C4orf51: variants seen among roughly 807,000 people sequenced by gnomAD.
The protein encoded by C4orf51 is chromosome 4 open reading frame 51.
Under a neutral mutation model 25.2 loss-of-function variants are expected in C4orf51, and 25 were observed. The ratio of observed to expected loss-of-function variants is 0.99; its 90% CI spans 0.72 to 1.39. C4orf51 has a LOEUF of 1.39. C4orf51 is among the 40% of genes most tolerant of loss of function. The pLI, the probability that C4orf51 is intolerant of heterozygous loss-of-function variation, is 0.00. For missense variants in C4orf51, 252 were observed against 239.6 expected, an observed-to-expected ratio of 1.05 and a Z score of -0.34; for synonymous variants, 100 against 84.5, an observed-to-expected ratio of 1.18 and a Z score of -1.01.
At chr4:145,752,068 G>A (rs1186964867) in intron 1 of C4orf51, among the ~76,000 whole-genome samples, 1 of 152,178 alleles carries the variant, frequency 6.6e-6, no homozygotes, top group East Asian at 1.9e-4. Flanking sequence ...TTGGCCCAGG[G>A]CAGGTCCAGA....
chr4:145,754,201 T>C (rs2126815480), intron 1 of C4orf51: 1 of 152,352 alleles, frequency 6.6e-6, no homozygotes, highest in Middle Eastern at 3.4e-3. Context: ...CTACCTTTTG[T>C]TGTAGCAACC....
At chr4:145,721,209 G>A (rs939370438) in intron 2 of C4orf51, among the ~76,000 whole-genome samples, 10 of 152,082 alleles carry the variant, frequency 6.6e-5, no homozygotes, top group African/African-American at 2.4e-4. Flanking sequence ...GCCAGGTGTG[G>A]TGGTGGGCGC....
chr4:145,740,871 A>G (rs942377875), intron 1 of C4orf51, among the ~76,000 whole-genome samples: 2 of 152,208 alleles, frequency 1.3e-5, no homozygotes, highest in Non-Finnish European at 1.5e-5. Flanking sequence ...TTAATAAAAA[A>G]CAGATTATTT....
At position 145,680,418 on chromosome 4, in the gene C4orf51, A is replaced by G. The variant is rs760164043; in HGVS notation, c.215A>G (p.His72Arg). 2 of 1,613,748 alleles carry G rather than the reference A, an allele frequency of 1.2e-6. No homozygotes were observed. The highest frequency in any genetic ancestry group is 2.2e-5 in the East Asian group (1 of 44,878). The part of the protein sequence containing the change: ...CSQFSFRAGQ[H>R]EPECKQMSLT... ...CAATTTTCTTTTAGAGCAGGACAGC[A>G]TGAGCCTGAGTGTAAACAGTAAGAT... The change falls in exon 1 of 6, where the codon CAT becomes CGT. Residue 72 changes from histidine (H) to arginine (R), a missense_variant. Transcript: ENST00000438731.
chr4:145,737,917 A>G (rs1223063913), intron 1 of C4orf51, among the ~76,000 whole-genome samples: 1 of 152,124 alleles, frequency 6.6e-6, no homozygotes, highest in African/African-American at 2.4e-5. Flanking sequence ...CTGAGTGTTC[A>G]TGTTCTAAAA....
In C4orf51 at chr4:145,696,543, T is replaced by C. The variant is rs1221794097; in HGVS notation, c.234-16T>C. ...CCATAAATTTGTAACTTGTTTCTTC[T>C]ACTTGCTTTCCTTAGGATGTCATTG... On this transcript the variant is annotated splice_polypyrimidine_tract_variant and intron_variant, in intron 1 of 5. Transcript: ENST00000438731. 1 of 1,605,710 alleles carries C rather than the reference T, an allele frequency of 6.2e-7. No homozygotes were observed. The highest frequency in any genetic ancestry group is 8.5e-7 in the Non-Finnish European group (1 of 1,172,742).
chr4:145,765,070 C>G lies in C4orf51; in HGVS notation n.167-5918C>G. On this transcript the variant is annotated intron_variant and non_coding_transcript_variant, in intron 1 of 1. Coordinates refer to the C4orf51 transcript ENST00000510096. The surrounding 1 kb of genome is among the most constrained non-coding windows in gnomAD (Gnocchi z 4.7). The stretch of plus-strand genomic sequence containing the variant: ...GTCTTCATGAACTTGTGGCACACAT[C>G]ACACTCAAACATCCGGGTGATGAGG... 1 of 1,614,236 alleles carries G rather than the reference C, an allele frequency of 6.2e-7. No homozygotes were observed. Among genetic ancestry groups the G allele is most frequent in the Non-Finnish European group, 8.5e-7 (1 of 1,180,046 alleles).
intron 2 of C4orf51, among the ~76,000 whole-genome samples, chr4:145,711,654 G>A (rs971141054): frequency 6.6e-6 from 1 of 151,776 alleles, no homozygotes; most frequent in African/African-American, 2.4e-5. Context: ...CAAATGATCT[G>A]CTTTGAGTAC....
intron 1 of C4orf51, among the ~76,000 whole-genome samples, chr4:145,685,598 A>T (rs1729104154): frequency 1.3e-5 from 2 of 152,204 alleles, no homozygotes; most frequent in African/African-American, 2.4e-5. Context: ...AAAACAGAAT[A>T]GGGATTTTCA....
At chr4:145,751,242 A>G (rs1367889268) in intron 1 of C4orf51, among the ~76,000 whole-genome samples, 1 of 152,004 alleles carries the variant, frequency 6.6e-6, no homozygotes, top group Non-Finnish European at 1.5e-5. Context: ...TTAGGTATTT[A>G]TTTTAGTCTT....
At chr4:145,690,030 C>A (rs1365899103) in intron 1 of C4orf51, among the ~76,000 whole-genome samples, 1 of 151,174 alleles carries the variant, frequency 6.6e-6, no homozygotes, top group Admixed American at 6.6e-5. Flanking sequence ...CATGGTGAAA[C>A]CCCATTTCTA....
chr4:145,759,242 A>T (rs1734200976), downstream of C4orf51: 2 of 152,212 alleles, frequency 1.3e-5, no homozygotes, highest in South Asian at 4.1e-4. Flanking sequence ...CTGTTGTTTT[A>T]AAAATACAAG....
intron 2 of C4orf51, among the ~76,000 whole-genome samples, chr4:145,713,397 C>T (rs527691031): frequency 3.9e-4 from 60 of 152,208 alleles, no homozygotes; most frequent in African/African-American, 1.3e-3. Context: ...TGAAAATTAA[C>T]GGGAGTTTGG....
At chr4:145,720,360 A>G (rs1731662855) in intron 2 of C4orf51, among the ~76,000 whole-genome samples, 2 of 152,066 alleles carry the variant, frequency 1.3e-5, no homozygotes, top group Admixed American at 1.3e-4. Context: ...GGCCAACAGG[A>G]AGACTCTCAC....
intron 1 of C4orf51, among the ~76,000 whole-genome samples, chr4:145,689,745 T>C (rs1729411215): frequency 1.3e-5 from 2 of 151,566 alleles, no homozygotes; most frequent in African/African-American, 4.9e-5. Context: ...TTTGAAAAAG[T>C]CAACAAAAAT....
intron 1 of C4orf51, among the ~76,000 whole-genome samples, chr4:145,751,728 G>A (rs945280209): frequency 6.6e-6 from 1 of 152,356 alleles, no homozygotes; most frequent in South Asian, 2.1e-4. Flanking sequence ...TTTCAGGTCA[G>A]TGAGTTCCCC....
At chr4:145,704,214 T>C (rs1332933115) in intron 2 of C4orf51, among the ~76,000 whole-genome samples, 1 of 152,172 alleles carries the variant, frequency 6.6e-6, no homozygotes, top group East Asian at 1.9e-4. Flanking sequence ...TTTTTAAAGG[T>C]GTCAGTTCAT....
intron 2 of C4orf51, among the ~76,000 whole-genome samples, chr4:145,722,482 T>C (rs1731792883): frequency 6.6e-6 from 1 of 152,234 alleles, no homozygotes; most frequent in African/African-American, 2.4e-5. Flanking sequence ...TTAACATTGC[T>C]AGAATAATTT....
chr4:145,730,021 G>A (rs1176571723), intron 5 of C4orf51, 56 bp downstream of exon 5: 10 of 1,473,362 alleles, frequency 6.8e-6, no homozygotes, highest in South Asian at 1.1e-5. Flanking sequence ...GTCAGGAAGC[G>A]GGGTTCTGAG....
Sources: allele counts gnomAD v4.1 joint callset (sites outside exome capture counted in the v4.1 genomes callset), GRCh38; gene constraint gnomAD v4.1.1; non-coding constraint Gnocchi (gnomAD v3.1); transcripts MANE v1.5; gene names NCBI Gene and HGNC (gene_info 2026-07-23, HGNC 2026-07-21).